Variants in KCNQ5 observed in about 807,000 individuals in gnomAD.
KCNQ5 encodes the protein potassium voltage-gated channel subfamily KQT member 5.
In KCNQ5, 30 loss-of-function variants were observed where a neutral mutation model predicts 98.2. That is an observed-to-expected ratio of 0.31 (90% CI 0.23 to 0.41). The LOEUF is 0.41. Among genes scored for constraint, KCNQ5 ranks in the 10% least tolerant of loss-of-function variants. The pLI is 1.00. For synonymous variants in KCNQ5, 458 were observed against 449.4 expected (o/e 1.02, Z -0.24); for missense variants, 835 against 1,182.5 (o/e 0.71, Z 4.31).
chr6:72,947,280 G>A (rs911947644), intron 1 of KCNQ5, among the ~76,000 whole-genome samples: 10 of 152,054 alleles, frequency 6.6e-5, no homozygotes, highest in Non-Finnish European at 1.3e-4. Context: ...ACAAATTTGA[G>A]GTCAGGCAGT....
intron 2 of KCNQ5, among the ~76,000 whole-genome samples, chr6:73,017,395 C>T (rs572204821): frequency 6.6e-6 from 1 of 152,194 alleles, no homozygotes; most frequent in East Asian, 1.9e-4. Flanking sequence ...TGATCAAAAA[C>T]TATTTTCAAT....
At chr6:73,148,743 C>T (rs1777020823) in intron 10 of KCNQ5, among the ~76,000 whole-genome samples, 1 of 152,128 alleles carries the variant, frequency 6.6e-6, no homozygotes, top group Non-Finnish European at 1.5e-5. Context: ...TCTGATGTGA[C>T]TGTAAAAAGG....
chr6:73,102,744 G>C (rs1319224260), intron 5 of KCNQ5, among the ~76,000 whole-genome samples: 2 of 152,094 alleles, frequency 1.3e-5, no homozygotes. Flanking sequence ...CAAGGATTTG[G>C]AGACAGGCAA....
At chr6:72,840,664 G>A (rs1354216338) in intron 1 of KCNQ5, among the ~76,000 whole-genome samples, 5 of 152,128 alleles carry the variant, frequency 3.3e-5, no homozygotes, top group Non-Finnish European at 7.4e-5. Flanking sequence ...TTTGCAAGAG[G>A]TTCAATTAGG....
chr6:72,712,577 A>C (rs1257925798), intron 1 of KCNQ5, among the ~76,000 whole-genome samples: 1 of 152,202 alleles, frequency 6.6e-6, no homozygotes, highest in Non-Finnish European at 1.5e-5. Context: ...ACACATTCTC[A>C]GCCTGGGTGG....
chr6:72,635,802 T>C (rs1474739905), intron 1 of KCNQ5, among the ~76,000 whole-genome samples: 3 of 151,582 alleles, frequency 2.0e-5, no homozygotes, highest in Non-Finnish European at 4.4e-5. Flanking sequence ...AAGAGATGCA[T>C]TGAATTTCTA....
At chr6:73,066,670 A>G (rs547794454) in intron 3 of KCNQ5, among the ~76,000 whole-genome samples, 1 of 152,236 alleles carries the variant, frequency 6.6e-6, no homozygotes, top group African/African-American at 2.4e-5. Context: ...GAGACTTGCC[A>G]GTTCAATCCA....
In KCNQ5 at chr6:72,713,073, G is replaced by A. The variant is rs141376859; in HGVS notation, c.398+90486G>A. Among the ~76,000 whole-genome samples, 45 of 152,206 alleles carry A rather than the reference G, an allele frequency of 3.0e-4. No individual in the cohort carries two copies. The Middle Eastern group carries it at 0.01, about 35-fold the overall frequency. ...AATAAATGAATACATGCTTAAAGTCGCACGGCAGGAGGTAGATATAAAAAT... is the reference window on the plus strand; with the variant it reads ...AATAAATGAATACATGCTTAAAGTCACACGGCAGGAGGTAGATATAAAAAT... On this transcript the variant is annotated intron_variant, in intron 1 of 13. Transcript: ENST00000370398.
chr6:73,132,024 G>T (rs1003351826), intron 9 of KCNQ5, among the ~76,000 whole-genome samples: 1 of 152,190 alleles, frequency 6.6e-6, no homozygotes, highest in Admixed American at 6.5e-5. Context: ...CACATAAAAC[G>T]TGGTGCCCTT....
intron 1 of KCNQ5, among the ~76,000 whole-genome samples, chr6:72,969,159 C>T (rs1767753011): frequency 6.6e-6 from 1 of 152,112 alleles, no homozygotes. Flanking sequence ...TGCCCAAACA[C>T]AATATATGTT....
intron 1 of KCNQ5, among the ~76,000 whole-genome samples, chr6:72,940,978 T>C (rs1179113707): frequency 1.3e-5 from 2 of 152,106 alleles, no homozygotes; most frequent in Non-Finnish European, 2.9e-5. Flanking sequence ...AAAAATTAGA[T>C]GACTGAAAAA....
chr6:73,027,137 C>G (rs78950255), intron 2 of KCNQ5, among the ~76,000 whole-genome samples: 4,447 of 152,140 alleles, frequency 0.029, 114 homozygotes, highest in African/African-American at 0.07. Flanking sequence ...GGCAAGTAGG[C>G]CTTATCTACT....
chr6:73,108,312 G>T (rs780679292), intron 6 of KCNQ5, among the ~76,000 whole-genome samples: 1 of 152,114 alleles, frequency 6.6e-6, no homozygotes, highest in Non-Finnish European at 1.5e-5. Flanking sequence ...CTTGTCTTCT[G>T]CTAGATATTC....
chr6:72,870,409 G>C (rs1161438767), intron 1 of KCNQ5, among the ~76,000 whole-genome samples: 1 of 152,028 alleles, frequency 6.6e-6, no homozygotes, highest in Non-Finnish European at 1.5e-5. Flanking sequence ...TTGAGTAGCT[G>C]AGGCTAATTT....
chr6:72,799,649 G>T (rs1192854896), intron 1 of KCNQ5, among the ~76,000 whole-genome samples: 2 of 152,146 alleles, frequency 1.3e-5, no homozygotes, highest in African/African-American at 2.4e-5. Context: ...AAACACGGAG[G>T]TTCCAGAGTT....
At position 73,104,555 on chromosome 6, in the gene KCNQ5, T is replaced by C. The variant is rs142607284; in HGVS notation, c.919-702T>C. The stretch of plus-strand genomic sequence containing the variant: ...TCACTGTTCTGCAGCTAGCCACCTC[T>C]TTCTCCTCCCTAGATCACCTTCTTT... On this transcript the variant is annotated intron_variant, in intron 5 of 13. Transcript: ENST00000370398. 2.0e-4 allele frequency among the ~76,000 whole-genome samples: 31 copies of C among 152,296 alleles called. No homozygotes were observed. In the East Asian group the frequency reaches 6.0e-3, roughly 29 times the overall value.
In KCNQ5 at chr6:72,792,492, AATGAC is replaced by A. The variant is rs1209912434; in HGVS notation, c.398+169906_398+169910del. Among the ~76,000 whole-genome samples, 7 of 152,216 alleles carry A rather than the reference AATGAC, an allele frequency of 4.6e-5. 1 individual carries two copies. Among genetic ancestry groups the A allele is most frequent in the Non-Finnish European group, 2.9e-5 (2 of 68,042 alleles). On this transcript the variant is annotated intron_variant, in intron 1 of 13. Transcript: ENST00000370398. ...AACTTTAAGAAAGTCTGGACTTTAA[AATGAC>A]TATATTCTGGTAATCACAAAGTCAT...
At chr6:72,828,860 G>A (rs547850699) in intron 1 of KCNQ5, among the ~76,000 whole-genome samples, 1 of 152,144 alleles carries the variant, frequency 6.6e-6, no homozygotes, top group East Asian at 1.9e-4. Flanking sequence ...CTAGTTCTTA[G>A]AGGAAAACCT....
intron 1 of KCNQ5, among the ~76,000 whole-genome samples, chr6:72,683,363 CT>C (rs142268901): frequency 0.045 from 5,122 of 113,196 alleles, 245 homozygotes; most frequent in African/African-American, 0.18. Context: ...GCCACATATA[CT>C]TTTTTTTTTT....
Sources: allele counts gnomAD v4.1 joint callset (sites outside exome capture counted in the v4.1 genomes callset), GRCh38; gene constraint gnomAD v4.1.1; transcripts MANE v1.5; gene names NCBI Gene and HGNC (gene_info 2026-07-23, HGNC 2026-07-21).